Variants in SDC2 observed in about 807,000 individuals in gnomAD.
SDC2 encodes syndecan-2.
SDC2 carries 13 observed loss-of-function variants against 22.2 expected under a neutral mutation model. The observed-to-expected ratio is 0.59, with a 90% CI of 0.38 to 0.93. The LOEUF is 0.93. Ranked by LOEUF, SDC2 falls within the 40% of genes least tolerant of loss-of-function variation. The pLI is 0.00. For synonymous variants in SDC2, 94 were observed against 92.8 expected (o/e 1.01, Z -0.07); for missense variants, 235 against 246.8 (o/e 0.95, Z 0.32).
intron 1 of SDC2, among the ~76,000 whole-genome samples, chr8:96,528,822 CAGA>C (rs1813618287): frequency 6.6e-6 from 1 of 152,124 alleles, no homozygotes; most frequent in Non-Finnish European, 1.5e-5. Flanking sequence ...CTTAATATCC[CAGA>C]AGAAGACCAT....
intron 1 of SDC2, among the ~76,000 whole-genome samples, chr8:96,507,342 GACAA>G (rs1813257912): frequency 6.6e-6 from 1 of 152,192 alleles, no homozygotes; most frequent in South Asian, 2.1e-4. Flanking sequence ...GCACATGTTT[GACAA>G]ATAAATGAAA....
At chr8:96,494,492 C>T (rs1813017427) in intron 1 of SDC2, among the ~76,000 whole-genome samples, 161 bp downstream of exon 1, 1 of 152,234 alleles carries the variant, frequency 6.6e-6, no homozygotes, top group African/African-American at 2.4e-5. Flanking sequence ...ACCCTTTCCC[C>T]CTCTTCCCTT....
chr8:96,558,775 A>G (rs1268171132), intron 1 of SDC2, among the ~76,000 whole-genome samples: 1 of 152,298 alleles, frequency 6.6e-6, no homozygotes, highest in East Asian at 1.9e-4. Flanking sequence ...TTTCTAGTCA[A>G]CTGACTTATC....
intron 1 of SDC2, among the ~76,000 whole-genome samples, chr8:96,575,576 A>G (rs527487838): frequency 2.6e-4 from 40 of 152,232 alleles, no homozygotes; most frequent in African/African-American, 8.2e-4. Context: ...CATGCCACGA[A>G]CAATTTCTTT....
chr8:96,542,656 C>T (rs562103870), intron 1 of SDC2, among the ~76,000 whole-genome samples: 5 of 152,160 alleles, frequency 3.3e-5, no homozygotes, highest in East Asian at 1.9e-4. Context: ...AGCTTCCCCC[C>T]GAGAAGACAA....
At chr8:96,556,255 A>G (rs1038197895) in intron 1 of SDC2, among the ~76,000 whole-genome samples, 4 of 152,190 alleles carry the variant, frequency 2.6e-5, no homozygotes, top group Non-Finnish European at 4.4e-5. Context: ...TATTATGTTT[A>G]TCAGAGAATG....
rs969604536 is a variant in SDC2, at chr8:96,569,853, G to A, written c.61-23627G>A. ...TGGGAAATTTAGAGTGGCTCCTGGA[G>A]GCGGTGGGGACTGTTAGTGCTATAA... On this transcript the variant is annotated intron_variant, in intron 1 of 4. Transcript: ENST00000302190. 4.6e-5 allele frequency among the ~76,000 whole-genome samples: 7 copies of A among 152,250 alleles called. No homozygotes were observed. The East Asian group carries it at 1.4e-3, about 29-fold the overall frequency.
At position 96,610,962 on chromosome 8, in the gene SDC2, C is replaced by G. The variant is rs1191311389; in HGVS notation, c.*1414C>G. 1 of 152,682 alleles carries G rather than the reference C, an allele frequency of 6.5e-6. No individual in the cohort carries two copies. The highest frequency in any genetic ancestry group is 1.5e-5 in the Non-Finnish European group (1 of 68,052). 9.5% of individuals were successfully genotyped at this position (152,682 alleles called of 1,614,324 possible). ...GACGCCTGCTTTTGCAAATAACTTA[C>G]AAGACTGTAAATTCCAAAGATCTGA... On this transcript the variant is annotated 3_prime_UTR_variant, in exon 5 of 5. Coordinates refer to ENST00000302190, the MANE Select transcript of SDC2 (RefSeq NM_002998.4).
chr8:96,524,733 C>T (rs1363684395), intron 1 of SDC2, among the ~76,000 whole-genome samples: 1 of 152,322 alleles, frequency 6.6e-6, no homozygotes, highest in East Asian at 1.9e-4. Context: ...CATTCCTCCT[C>T]CTTTTTTCTC....
chr8:96,528,083 C>T (rs1212817932), intron 1 of SDC2, among the ~76,000 whole-genome samples: 1 of 151,966 alleles, frequency 6.6e-6, no homozygotes, highest in African/African-American at 2.4e-5. Flanking sequence ...AATTATAAGT[C>T]GTTGGGGAAG....
chr8:96,539,350 C>T (rs960068046), intron 1 of SDC2, among the ~76,000 whole-genome samples: 7 of 152,146 alleles, frequency 4.6e-5, no homozygotes, highest in African/African-American at 1.7e-4. Context: ...CTTACATTTT[C>T]TTACTGATCT....
intron 1 of SDC2, among the ~76,000 whole-genome samples, chr8:96,581,475 C>A (rs900760218): frequency 6.6e-6 from 1 of 151,992 alleles, no homozygotes; most frequent in Non-Finnish European, 1.5e-5. Context: ...ACTAAAAATA[C>A]AAAAATTAGC....
At chr8:96,549,549 T>C (rs959459163) in intron 1 of SDC2, among the ~76,000 whole-genome samples, 16 of 152,210 alleles carry the variant, frequency 1.1e-4, no homozygotes, top group Non-Finnish European at 1.9e-4. Flanking sequence ...CCTAATAGGC[T>C]AACTGGAGCC....
chr8:96,494,403 T>C (rs1222733175), intron 1 of SDC2, 72 bp downstream of exon 1: 1 of 1,442,692 alleles, frequency 6.9e-7, no homozygotes, highest in Non-Finnish European at 9.3e-7. Flanking sequence ...CCGCAGGGAA[T>C]AGGGGAGCGC....
intron 1 of SDC2, among the ~76,000 whole-genome samples, chr8:96,552,051 C>G (rs961802190): frequency 1.3e-5 from 2 of 152,170 alleles, no homozygotes; most frequent in South Asian, 4.1e-4. Context: ...TAACACATCA[C>G]TTAGTTCTGC....
At chr8:96,583,391 T>TATATAAAATATATATGAC (rs1379209963) in intron 1 of SDC2, among the ~76,000 whole-genome samples, 5 of 35,398 alleles carry the variant, frequency 1.4e-4, no homozygotes, top group East Asian at 6.7e-4. Flanking sequence ...ATATATGACA[T>TATATAAAATATATATGAC]ATGTGTGTGT....
At chr8:96,585,407 G>A (rs1031392716) in intron 1 of SDC2, among the ~76,000 whole-genome samples, 2 of 152,158 alleles carry the variant, frequency 1.3e-5, no homozygotes, top group Non-Finnish European at 2.9e-5. Context: ...CTGAGGGTTC[G>A]GATGACATGA....
chr8:96,595,200 G>A (rs779810309), intron 2 of SDC2, among the ~76,000 whole-genome samples: 14 of 152,176 alleles, frequency 9.2e-5, no homozygotes, highest in Admixed American at 6.5e-5. Context: ...TCTATGTTCG[G>A]TATAACTTTT....
chr8:96,543,852 CAA>C (rs1254326851), intron 1 of SDC2, among the ~76,000 whole-genome samples: 11 of 152,130 alleles, frequency 7.2e-5, no homozygotes, highest in African/African-American at 2.7e-4. Flanking sequence ...TATAATTTTT[CAA>C]AGTTATCTGG....
Sources: gnomAD v4.1 joint callset for allele counts (sites outside exome capture counted in the v4.1 genomes callset) on GRCh38, gnomAD v4.1.1 for gene constraint, MANE v1.5 for transcripts, NCBI Gene and HGNC (gene_info 2026-07-23, HGNC 2026-07-21) for gene names.